The following RGS6 variants were observed in gnomAD, a reference collection of about 807,000 sequenced individuals.
RGS6 encodes the protein regulator of G-protein signaling 6.
RGS6 carries 30 observed loss-of-function variants against 78.5 expected under a neutral mutation model. That is an observed-to-expected ratio of 0.38 (90% CI 0.29 to 0.52). RGS6 has a LOEUF of 0.52. Ranked by LOEUF, RGS6 falls within the 20% of genes least tolerant of loss-of-function variation. RGS6 has a pLI of 0.85. For synonymous variants in RGS6, 206 were observed against 206.0 expected (o/e 1.00, Z 0.00); for missense variants, 495 against 609.7 (o/e 0.81, Z 1.98).
At chr14:72,014,822 C>G (rs1045073016) in intron 2 of RGS6, among the ~76,000 whole-genome samples, 2 of 152,116 alleles carry the variant, frequency 1.3e-5, no homozygotes, top group Non-Finnish European at 2.9e-5. Context: ...CTAAACACCC[C>G]CCGCTTCCCT....
intron 2 of RGS6, among the ~76,000 whole-genome samples, chr14:72,272,862 C>A (rs1414037616): frequency 6.6e-6 from 1 of 152,218 alleles, no homozygotes; most frequent in African/African-American, 2.4e-5. Context: ...CGCCTGTAAT[C>A]CCAACACTTA....
intron 2 of RGS6, among the ~76,000 whole-genome samples, chr14:72,011,529 C>G (rs1352441480): frequency 6.6e-6 from 1 of 151,720 alleles, no homozygotes. Flanking sequence ...CAACAAAAAC[C>G]CAGGAGATTG....
rs1198556394 is a variant in RGS6 at position 72,216,012 on chromosome 14, G to C, written c.85-136083G>C. 2.0e-5 allele frequency among the ~76,000 whole-genome samples: 3 copies of C among 152,262 alleles called. No individual in the cohort carries two copies. In the East Asian group the frequency reaches 5.8e-4, roughly 29 times the overall value. On this transcript the variant is annotated intron_variant, in intron 2 of 17. Transcript: ENST00000553525. The stretch of plus-strand genomic sequence containing the variant: ...TCGTCTGAAGGTTTCCTGAGGTTCT[G>C]GAAAACGGAAAGTATCCTAAATACT...
chr14:72,050,138 A>G (rs2093136455), intron 2 of RGS6, among the ~76,000 whole-genome samples: 1 of 152,180 alleles, frequency 6.6e-6, no homozygotes, highest in South Asian at 2.1e-4. Context: ...TATGAGGTAA[A>G]CTGAAATGTG....
chr14:72,182,445 A>G (rs2097186616), intron 2 of RGS6, among the ~76,000 whole-genome samples: 2 of 151,666 alleles, frequency 1.3e-5, no homozygotes, highest in Non-Finnish European at 2.9e-5. Context: ...AGCAAGCAAG[A>G]AAGTAAGAAA....
chr14:72,299,222 G>A (rs2065540352), intron 2 of RGS6, among the ~76,000 whole-genome samples: 1 of 152,094 alleles, frequency 6.6e-6, no homozygotes, highest in Non-Finnish European at 1.5e-5. Context: ...GCTAATTTTA[G>A]AACATTTTTA....
chr14:72,114,950 A>C (rs2095853155), intron 2 of RGS6, among the ~76,000 whole-genome samples: 1 of 152,266 alleles, frequency 6.6e-6, no homozygotes, highest in Admixed American at 6.5e-5. Context: ...CGGCACATCC[A>C]GCCTGTTTTG....
At chr14:72,505,824 T>C (rs2096791610) in intron 13 of RGS6, among the ~76,000 whole-genome samples, 1 of 152,240 alleles carries the variant, frequency 6.6e-6, no homozygotes, top group Non-Finnish European at 1.5e-5. Context: ...CCTTACACCA[T>C]GTGTAGCACT....
intron 1 of RGS6, among the ~76,000 whole-genome samples, chr14:71,941,506 T>C (rs1166725213): frequency 6.6e-6 from 1 of 152,238 alleles, no homozygotes; most frequent in Non-Finnish European, 1.5e-5. Flanking sequence ...GGGAGTTTAT[T>C]AAGTATTCAC....
intron 2 of RGS6, among the ~76,000 whole-genome samples, chr14:72,043,986 C>T (rs578099841): frequency 6.6e-5 from 10 of 152,244 alleles, no homozygotes; most frequent in African/African-American, 2.2e-4. Context: ...CTTCTCTGCC[C>T]ACCTCCCACT....
chr14:71,945,696 C>T (rs915096092), intron 1 of RGS6, among the ~76,000 whole-genome samples: 2 of 152,140 alleles, frequency 1.3e-5, no homozygotes, highest in African/African-American at 4.8e-5. Context: ...TGATGAATGG[C>T]ACCTGACCTT....
intron 2 of RGS6, among the ~76,000 whole-genome samples, chr14:72,062,936 G>A (rs1444889724): frequency 6.6e-6 from 1 of 152,118 alleles, no homozygotes; most frequent in East Asian, 1.9e-4. Context: ...AAGCATTCGT[G>A]CCTCAGCCTC....
chr14:72,314,805 A>G (rs1244306678), intron 2 of RGS6, among the ~76,000 whole-genome samples: 1 of 152,246 alleles, frequency 6.6e-6, no homozygotes, highest in African/African-American at 2.4e-5. Flanking sequence ...GCCTTCCCTT[A>G]AGGTTCCTGA....
At chr14:72,324,422 A>G (rs1176349820) in intron 2 of RGS6, among the ~76,000 whole-genome samples, 1 of 152,070 alleles carries the variant, frequency 6.6e-6, no homozygotes, top group African/African-American at 2.4e-5. Context: ...TTTGTTACAT[A>G]TGTATACATG....
chr14:72,236,360 A>G (rs1192288957), intron 2 of RGS6, among the ~76,000 whole-genome samples: 1 of 152,164 alleles, frequency 6.6e-6, no homozygotes, highest in Non-Finnish European at 1.5e-5. Context: ...TAAACAGTTC[A>G]GCATGCTTAT....
intron 2 of RGS6, among the ~76,000 whole-genome samples, chr14:72,161,100 A>G (rs2153660606): frequency 6.6e-6 from 1 of 152,340 alleles, no homozygotes; most frequent in African/African-American, 2.4e-5. Flanking sequence ...AGAGACTTGG[A>G]TGAAGCTGGA....
At chr14:72,083,228 C>A (rs2094896152) in intron 2 of RGS6, among the ~76,000 whole-genome samples, 1 of 152,166 alleles carries the variant, frequency 6.6e-6, no homozygotes, top group Admixed American at 6.5e-5. Flanking sequence ...TTGAATCTGA[C>A]ACAGATTGAT....
chr14:72,103,183 G>A (rs958134873), intron 2 of RGS6, among the ~76,000 whole-genome samples: 1 of 152,130 alleles, frequency 6.6e-6, no homozygotes, highest in South Asian at 2.1e-4. Context: ...CCTTCACATT[G>A]CATTACGGCA....
the RGS6 span, among the ~76,000 whole-genome samples, chr14:72,586,109 CCT>C: frequency 6.6e-6 from 1 of 152,202 alleles, no homozygotes; most frequent in South Asian, 2.1e-4. Flanking sequence ...CCCACTGACT[CCT>C]CTGTCCTGAT....
Sources: allele counts gnomAD v4.1 joint callset (sites outside exome capture counted in the v4.1 genomes callset), GRCh38; gene constraint gnomAD v4.1.1; transcripts MANE v1.5; gene names NCBI Gene and HGNC (gene_info 2026-07-23, HGNC 2026-07-21).